Variants in NEIL2 observed in about 807,000 individuals in gnomAD.
NEIL2 encodes the protein nei like DNA glycosylase 2, also known as endonuclease 8-like 2.
Under a neutral mutation model 22.2 loss-of-function variants are expected in NEIL2, and 23 were observed. The observed-to-expected ratio is 1.04, with a 90% CI of 0.75 to 1.47. NEIL2 has a LOEUF of 1.47. Ranked by LOEUF, NEIL2 falls within the 40% of genes most tolerant of loss-of-function variation. NEIL2 has a pLI of 0.00. For synonymous variants in NEIL2, 229 were observed against 164.8 expected, an observed-to-expected ratio of 1.39 and a Z score of -2.99; for missense variants, 583 against 404.7, an observed-to-expected ratio of 1.44 and a Z score of -3.78.
chr8:11,785,926 C>G lies in NEIL2; in HGVS notation c.689-37C>G, dbSNP rs374169775. The G allele has an allele frequency of 7.8e-5, 125 of 1,597,344 alleles. No homozygotes were observed. The African/African-American group carries it at 1.6e-3, about 20-fold the overall frequency. ...GGGTGGTTTCATCATGCCATGTGTC[C>G]TTTGTCCTTCCCTTACCTTCCCCCG... On this transcript the variant is annotated intron_variant, in intron 4 of 4. Transcript: ENST00000284503.
At chr8:11,777,375 T>TAA (rs905938528) in intron 2 of NEIL2, among the ~76,000 whole-genome samples, 7 of 152,236 alleles carry the variant, frequency 4.6e-5, no homozygotes, top group Admixed American at 4.6e-4. Context: ...TAAAAATTTT[T>TAA]AAAATTGTGA....
chr8:11,786,522 C>G lies in NEIL2; in HGVS notation c.*249C>G, dbSNP rs890593079. 2 of 543,362 alleles carry G rather than the reference C, an allele frequency of 3.7e-6. No homozygotes were observed. The highest frequency in any genetic ancestry group is 6.2e-5 in the Admixed American group (2 of 32,304). The allele number at this position is 543,362 out of a possible 1,614,324, so 33.7% of individuals were successfully genotyped here. ...CACCATCGTGAAAGATGGGAAAAAT[C>G]GTGATGATGGGTAAGGGGAAAACTT... On this transcript the variant is annotated 3_prime_UTR_variant, in exon 5 of 5. Transcript: ENST00000284503.
Position 11,771,616 on chromosome 8 carries a change from C to G in NEIL2, c.138+31C>G, listed in dbSNP as rs8191532. 1.6e-3 allele frequency: 2,536 copies of G among 1,601,366 alleles called. 35 individuals carry two copies. In the African/African-American group the frequency reaches 0.03, roughly 19 times the overall value. On this transcript the variant is annotated intron_variant, in intron 2 of 4. Coordinates refer to ENST00000284503, the MANE Select transcript of NEIL2 (RefSeq NM_145043.4). ...GTAATACTCCTCTGAAGGGTTGGCT[C>G]TGTCGCCCATCCTGCGCCTCCCCTA...
At chr8:11,781,138 T>C (rs1024559691) in intron 3 of NEIL2, among the ~76,000 whole-genome samples, 1 of 151,022 alleles carries the variant, frequency 6.6e-6, no homozygotes, top group Non-Finnish European at 1.5e-5. Flanking sequence ...TGAAGTTTTA[T>C]AACTTGTAAA....
chr8:11,786,020 G>C lies in NEIL2; in HGVS notation c.746G>C (p.Gly249Ala). 2 of 1,614,134 alleles carry C rather than the reference G, an allele frequency of 1.2e-6. No homozygotes were observed. The highest frequency in any genetic ancestry group is 4.5e-5 in the East Asian group (2 of 44,890). ...GCTGGGATCCATCCCCTTTCTCTCG[G>C]TTCAGTCCTGAGTGCCTCGCGTCGG... ...YRAGIHPLSL[G>A]SVLSASRREV... Residue 249 changes from glycine (G) to alanine (A), a missense_variant, in exon 5 of 5, where the codon GGT becomes GCT. Gly to Ala is a moderately conservative substitution (Grantham distance 60). Coordinates refer to ENST00000284503, the MANE Select transcript of NEIL2 (RefSeq NM_145043.4).
chr8:11,775,526 C>G (rs1378465292), intron 2 of NEIL2, among the ~76,000 whole-genome samples: 6 of 152,220 alleles, frequency 3.9e-5, no homozygotes, highest in Admixed American at 3.9e-4. Flanking sequence ...TCCTTATTGG[C>G]TTGGTGGTTA....
intron 4 of NEIL2, among the ~76,000 whole-genome samples, chr8:11,783,719 C>T (rs535242842): frequency 6.6e-5 from 10 of 152,344 alleles, no homozygotes; most frequent in African/African-American, 2.2e-4. Flanking sequence ...CTCCACTGCA[C>T]AGTGCAGCGC....
intron 4 of NEIL2, among the ~76,000 whole-genome samples, chr8:11,783,717 C>CCCT (rs1804648496): frequency 6.6e-6 from 1 of 152,234 alleles, no homozygotes; most frequent in African/African-American, 2.4e-5. Flanking sequence ...CCCTCCACTG[C>CCCT]ACAGTGCAGC....
chr8:11,773,785 A>T, intron 2 of NEIL2, among the ~76,000 whole-genome samples: 1 of 152,074 alleles, frequency 6.6e-6, no homozygotes, highest in East Asian at 1.9e-4. Context: ...CATTTTCTAT[A>T]TAGGAGTTGT....
intron 2 of NEIL2, among the ~76,000 whole-genome samples, chr8:11,772,112 A>G (rs1478841089): frequency 6.6e-6 from 1 of 151,992 alleles, no homozygotes; most frequent in African/African-American, 2.4e-5. Flanking sequence ...CTGAGGCAGG[A>G]GAATTGCTTG....
intron 2 of NEIL2, among the ~76,000 whole-genome samples, chr8:11,776,031 C>A (rs1387445001): frequency 1.3e-5 from 2 of 152,320 alleles, no homozygotes; most frequent in Middle Eastern, 3.4e-3. Flanking sequence ...CAATGCCCCC[C>A]TCCCAATACC....
rs938540413 is a variant in NEIL2 at position 11,786,810 on chromosome 8, GT to G, written c.*540del. 1.2e-5 allele frequency: 2 copies of G among 162,772 alleles called. No homozygotes were observed. Among genetic ancestry groups the G allele is most frequent in the African/African-American group, 2.4e-5 (1 of 41,408 alleles). 10.1% of individuals were successfully genotyped at this position (162,772 alleles called of 1,614,324 possible). On this transcript the variant is annotated 3_prime_UTR_variant, in exon 5 of 5. Coordinates refer to ENST00000284503, the MANE Select transcript of NEIL2 (RefSeq NM_145043.4). ...GTGATATGATGCTCGGCTGATTTTTGTTTACTTTTTAGAGAGATGGGGTCTT... is the reference window on the plus strand; with the variant it reads ...GTGATATGATGCTCGGCTGATTTTTGTTACTTTTTAGAGAGATGGGGTCTT...
At chr8:11,785,874 A>G in intron 4 of NEIL2, 89 bp from the exon 5 acceptor site, 1 of 1,187,470 alleles carries the variant, frequency 8.4e-7, no homozygotes, top group East Asian at 2.3e-5. Flanking sequence ...GACATGGAAG[A>G]GCTGATTTCT....
intron 2 of NEIL2, among the ~76,000 whole-genome samples, chr8:11,776,025 G>A (rs962201804): frequency 6.6e-5 from 10 of 152,118 alleles, no homozygotes. Flanking sequence ...TTACAGCAAT[G>A]CCCCCCTCCC....
At chr8:11,775,395 G>A (rs1803826152) in intron 2 of NEIL2, among the ~76,000 whole-genome samples, 1 of 152,218 alleles carries the variant, frequency 6.6e-6, no homozygotes, top group Non-Finnish European at 1.5e-5. Context: ...CAAGTCCCTA[G>A]GCTGCACACA....
Position 11,779,593 on chromosome 8 carries a change from T to C in NEIL2, c.139-5T>C, listed in dbSNP as rs1272094188. The C allele has an allele frequency of 1.2e-6, 2 of 1,606,012 alleles. No individual in the cohort carries two copies. The highest frequency in any genetic ancestry group is 8.5e-7 in the Non-Finnish European group (1 of 1,174,638). ...AAGGCTTGGATCTCTGTTCATTTTT[T>C]CTAGGTCCATGGAAAGAAATTATTC... is the stretch of plus-strand genomic sequence containing the variant. On this transcript the variant is annotated splice_region_variant and splice_polypyrimidine_tract_variant and intron_variant, in intron 2 of 4. Transcript: ENST00000284503.
Position 11,783,345 on chromosome 8 carries a change from C to G in NEIL2, c.634C>G (p.Gln212Glu), listed in dbSNP as rs1035289298. 1 of 1,614,192 alleles carries G rather than the reference C, an allele frequency of 6.2e-7. No individual in the cohort carries two copies. ...AGGACAAGCCTTAGAAGCTCTAGGCCAGGCTCAGCCTGTCTGCTATACACT... is the reference window on the plus strand; with the variant it reads ...AGGACAAGCCTTAGAAGCTCTAGGCGAGGCTCAGCCTGTCTGCTATACACT... ...HRGQALEALG[Q>E]AQPVCYTLLD... is the part of the protein sequence containing the mutation. The change falls in exon 4 of 5, where the codon CAG becomes GAG. Residue 212 changes from glutamine (Q) to glutamate (E), a missense_variant. Gln to Glu is a conservative substitution (Grantham distance 29). Transcript: ENST00000284503.
chr8:11,780,020 C>A, intron 3 of NEIL2, 70 bp downstream of exon 3: 1 of 1,367,890 alleles, frequency 7.3e-7, no homozygotes, highest in Non-Finnish European at 1.0e-6. Flanking sequence ...GGGTTTGGGA[C>A]TTCAGCAGTG....
intron 2 of NEIL2, among the ~76,000 whole-genome samples, chr8:11,776,539 C>T (rs1466334936): frequency 2.0e-5 from 3 of 152,198 alleles, no homozygotes; most frequent in East Asian, 1.9e-4. Flanking sequence ...CGTATGTTTC[C>T]ATTTCTCTTG....
Sources: gnomAD v4.1 joint callset for allele counts (sites outside exome capture counted in the v4.1 genomes callset) on GRCh38, gnomAD v4.1.1 for gene constraint, MANE v1.5 for transcripts, NCBI Gene and HGNC (gene_info 2026-07-23, HGNC 2026-07-21) for gene names.